The following PXK variants were observed in gnomAD, a reference collection of about 807,000 sequenced individuals.
PXK encodes the protein PX domain containing serine/threonine kinase like.
In PXK, 35 loss-of-function variants were observed where a neutral mutation model predicts 84.7. That is an observed-to-expected ratio of 0.41 (90% CI 0.32 to 0.55). The LOEUF (loss-of-function observed/expected upper bound fraction) is 0.55, where lower values mean the gene tolerates loss of function less well. Among genes scored for constraint, PXK ranks in the 20% least tolerant of loss-of-function variants. The pLI is 0.21. For synonymous variants in PXK, 253 were observed against 260.8 expected, an observed-to-expected ratio of 0.97 and a Z score of 0.29; for missense variants, 634 against 699.7, an observed-to-expected ratio of 0.91 and a Z score of 1.06.
In PXK at chr3:58,390,498, G is replaced by T; in HGVS notation, c.389-84G>T. 1 of 949,134 alleles carries T rather than the reference G, an allele frequency of 1.1e-6. No homozygotes were observed. The highest frequency in any genetic ancestry group is 1.6e-6 in the Non-Finnish European group (1 of 634,804). 58.8% of individuals were successfully genotyped at this position (949,134 alleles called of 1,614,324 possible). On this transcript the variant is annotated intron_variant, in intron 4 of 17. Coordinates refer to ENST00000356151, the MANE Select transcript of PXK (RefSeq NM_017771.5). This position sits in a 1 kb window ranked among gnomAD's most constrained non-coding sequence, Gnocchi z 4.2. ...TTTTAAAAAGGTCATAGACTATAGGGATTTCATTTACAAGAATAATATCTT... is the reference window on the plus strand; with the variant it reads ...TTTTAAAAAGGTCATAGACTATAGGTATTTCATTTACAAGAATAATATCTT...
chr3:58,418,922 A>G (rs1356889823), intron 17 of PXK, among the ~76,000 whole-genome samples: 2 of 152,204 alleles, frequency 1.3e-5, no homozygotes, highest in Non-Finnish European at 2.9e-5. Flanking sequence ...AATAAGAGAA[A>G]AGGCATACAA....
rs988548029 is a variant in PXK at position 58,386,864 on chromosome 3, T to G, written c.389-3718T>G. Among the ~76,000 whole-genome samples the G allele has an allele frequency of 4.6e-5, 7 of 152,334 alleles. No individual in the cohort carries two copies. In the South Asian group the frequency reaches 1.4e-3, roughly 32 times the overall value. The stretch of plus-strand genomic sequence containing the variant: ...GCAGGGAGTGCTGAAGTTCCCCTTT[T>G]AGGCCTAAAGCCCCAGGAATCCCTT... On this transcript the variant is annotated intron_variant, in intron 4 of 17. Transcript: ENST00000356151.
At chr3:58,353,988 G>A (rs963177501) in intron 1 of PXK, among the ~76,000 whole-genome samples, 1 of 152,172 alleles carries the variant, frequency 6.6e-6, no homozygotes, top group African/African-American at 2.4e-5. Context: ...CTTGTTTTCA[G>A]CATTCTTTTC....
rs1264668668 is a variant in PXK, at chr3:58,417,570, G to T, written c.1528+4607G>T. On this transcript the variant is annotated intron_variant, in intron 17 of 17. Coordinates refer to ENST00000356151, the MANE Select transcript of PXK (RefSeq NM_017771.5). The stretch of plus-strand genomic sequence containing the variant: ...AAGTCTGCTGGCAGTTCCATTGGGT[G>T]GGGTGGGATTCTCTAATACTCTTTT... 3.3e-5 allele frequency among the ~76,000 whole-genome samples: 5 copies of T among 152,212 alleles called. No homozygotes were observed. The South Asian group carries it at 1.0e-3, about 32-fold the overall frequency.
Position 58,397,034 on chromosome 3 carries a change from G to T in PXK, c.823-5G>T. On this transcript the variant is annotated splice_polypyrimidine_tract_variant and splice_region_variant and intron_variant, in intron 9 of 17. Transcript: ENST00000356151. This position sits in a 1 kb window ranked among gnomAD's most constrained non-coding sequence, Gnocchi z 4.7. ...AAAATGTAACTTTCCCATATGTTTT[G>T]ATAGGTACTGAAGTTTCTTCATGAC... 6.2e-7 allele frequency: 1 copy of T among 1,605,572 alleles called. No individual in the cohort carries two copies. Among genetic ancestry groups the T allele is most frequent in the Non-Finnish European group, 8.5e-7 (1 of 1,174,296 alleles).
At chr3:58,394,799 G>T (rs1259890106) in intron 7 of PXK, among the ~76,000 whole-genome samples, 199 bp from the exon 8 acceptor site, 1 of 152,066 alleles carries the variant, frequency 6.6e-6, no homozygotes, top group Admixed American at 6.6e-5. Context: ...TACAGTTTAT[G>T]TCCCTTCCTC....
chr3:58,348,047 A>T (rs1360368389), intron 1 of PXK, among the ~76,000 whole-genome samples: 2 of 152,102 alleles, frequency 1.3e-5, no homozygotes, highest in Admixed American at 1.3e-4. Flanking sequence ...AGCTAGGACT[A>T]CAGGCGCGTG....
chr3:58,390,983 A>G lies in PXK; in HGVS notation c.467-164A>G, dbSNP rs1325434062. On this transcript the variant is annotated intron_variant, in intron 5 of 17. Coordinates refer to ENST00000356151, the MANE Select transcript of PXK (RefSeq NM_017771.5). This position sits in a 1 kb window ranked among gnomAD's most constrained non-coding sequence, Gnocchi z 4.2. ...CTTCATTTACTGTTTCTTTTTAAGT[A>G]TAGCCTTTACTATGCCAACGTTATC... 6.6e-6 allele frequency among the ~76,000 whole-genome samples: 1 copy of G among 152,204 alleles called. No homozygotes were observed. Among genetic ancestry groups the G allele is most frequent in the East Asian group, 1.9e-4 (1 of 5,200 alleles).
At chr3:58,378,725 G>T (rs2098469718) in intron 3 of PXK, among the ~76,000 whole-genome samples, 1 of 151,020 alleles carries the variant, frequency 6.6e-6, no homozygotes, top group South Asian at 2.1e-4. Context: ...TAGTAGAGAT[G>T]GGGTTTCTCC....
In PXK at chr3:58,385,018, T is replaced by C. The variant is rs1358846336; in HGVS notation, c.388+2318T>C. 3.9e-5 allele frequency among the ~76,000 whole-genome samples: 6 copies of C among 152,190 alleles called. No homozygotes were observed. Among genetic ancestry groups the C allele is most frequent in the Non-Finnish European group, 7.3e-5 (5 of 68,034 alleles). On this transcript the variant is annotated intron_variant, in intron 4 of 17. Transcript: ENST00000356151. The surrounding 1 kb of genome is among the most constrained non-coding windows in gnomAD (Gnocchi z 5.1). ...CTTTAGTCTGGTCTGAGTGTTTAAG[T>C]TAAAATGCTTTGTAACTCCTAGAAG...
In PXK at chr3:58,397,058, A is replaced by G. The variant is rs2057789416; in HGVS notation, c.842A>G (p.Asp281Gly). ...QILEVLKFLHDKGFPYGHLHA... is the reference protein window; with the variant it reads ...QILEVLKFLHGKGFPYGHLHA... ...TGATAGGTACTGAAGTTTCTTCATG[A>G]CAAGGGATTCCCTTATGGGCATCTT... The change falls in exon 10 of 18, where the codon GAC becomes GGC. Residue 281 changes from aspartate to glycine, a missense_variant. Physicochemically the swap from Asp to Gly is moderately conservative, Grantham distance 94. This residue lies in a region of PXK where 353 missense variants were observed against 385.2 expected (regional missense o/e 0.92). Coordinates refer to ENST00000356151, the MANE Select transcript of PXK (RefSeq NM_017771.5). This position sits in a 1 kb window ranked among gnomAD's most constrained non-coding sequence, Gnocchi z 4.7. 6.2e-7 allele frequency: 1 copy of G among 1,614,014 alleles called. No individual in the cohort carries two copies.
intron 17 of PXK, chr3:58,422,856 C>G: frequency 1.0e-6 from 1 of 985,438 alleles, no homozygotes; most frequent in Non-Finnish European, 1.2e-6. Context: ...CCGCCGCAGC[C>G]GAGAGCCTGT....
At chr3:58,341,002 T>A (rs2097720121) in intron 1 of PXK, among the ~76,000 whole-genome samples, 2 of 150,822 alleles carry the variant, frequency 1.3e-5, no homozygotes, top group African/African-American at 4.9e-5. Context: ...AAACTAGAAG[T>A]CATTCTTATC....
At chr3:58,361,635 A>C (rs1305196036) in intron 1 of PXK, among the ~76,000 whole-genome samples, 1 of 152,136 alleles carries the variant, frequency 6.6e-6, no homozygotes, top group Non-Finnish European at 1.5e-5. Context: ...TTTTCCACTC[A>C]GCATGATTCT....
intron 1 of PXK, among the ~76,000 whole-genome samples, chr3:58,354,414 G>A (rs565577773): frequency 6.6e-6 from 1 of 151,282 alleles, no homozygotes; most frequent in African/African-American, 2.4e-5. Context: ...CTCATGCAAG[G>A]TTTTTTATTT....
At position 58,397,301 on chromosome 3, in the gene PXK, A is replaced by T. The variant is rs1576536459; in HGVS notation, c.984+101A>T. On this transcript the variant is annotated intron_variant, in intron 10 of 17. Transcript: ENST00000356151. The surrounding 1 kb of genome is among the most constrained non-coding windows in gnomAD (Gnocchi z 4.7). ...ATATGCACCAAGTAGTGAAAGGTAT[A>T]GTTGGGACAGGCCTTGCCCGTCAGC... is the stretch of plus-strand genomic sequence containing the variant. 1 of 1,376,916 alleles carries T rather than the reference A, an allele frequency of 7.3e-7. No homozygotes were observed. The highest frequency in any genetic ancestry group is 2.3e-5 in the East Asian group (1 of 43,686). The allele number at this position is 1,376,916 out of a possible 1,614,324, so 85.3% of individuals were successfully genotyped here.
At chr3:58,376,089 A>C (rs1317310581) in intron 3 of PXK, among the ~76,000 whole-genome samples, 1 of 152,186 alleles carries the variant, frequency 6.6e-6, no homozygotes, top group African/African-American at 2.4e-5. Flanking sequence ...TTGTGACCAG[A>C]AATATGCTGG....
At chr3:58,362,441 C>T (rs973163080) in intron 1 of PXK, among the ~76,000 whole-genome samples, 11 of 152,110 alleles carry the variant, frequency 7.2e-5, no homozygotes, top group African/African-American at 1.7e-4. Flanking sequence ...TGCTCTGACA[C>T]GTGAAAGTAA....
chr3:58,375,314 T>A (rs930216840), intron 3 of PXK, among the ~76,000 whole-genome samples: 1 of 152,164 alleles, frequency 6.6e-6, no homozygotes, highest in Non-Finnish European at 1.5e-5. Flanking sequence ...ATCAGTTTGA[T>A]AAACAAAAGC....
Sources: allele counts gnomAD v4.1 joint callset (sites outside exome capture counted in the v4.1 genomes callset), GRCh38; gene constraint gnomAD v4.1.1; regional missense constraint gnomAD v4.1.1; non-coding constraint Gnocchi (gnomAD v3.1); transcripts MANE v1.5; gene names NCBI Gene and HGNC (gene_info 2026-07-23, HGNC 2026-07-21).